Variants in ZNF236 observed in about 807,000 individuals in gnomAD.
The protein encoded by ZNF236 is regulated by glucose.
In ZNF236, 50 loss-of-function variants were observed where a neutral mutation model predicts 191.2. That is an observed-to-expected ratio of 0.26 (90% CI 0.21 to 0.33). ZNF236 has a LOEUF of 0.33. ZNF236 is among the 10% of genes least tolerant of loss of function. The pLI is 1.00. For synonymous variants in ZNF236, 907 were observed against 928.8 expected (o/e 0.98, Z 0.43); for missense variants, 1,754 against 2,374.5 (o/e 0.74, Z 5.43).
chr18:76,831,673 T>C (rs1321564854), intron 1 of ZNF236, among the ~76,000 whole-genome samples: 6 of 152,246 alleles, frequency 3.9e-5, no homozygotes. Flanking sequence ...AATGAGAGTT[T>C]CTGTTGTACA....
Position 76,849,533 on chromosome 18 carries a change from T to G in ZNF236, c.63T>G (p.Val21=), listed in dbSNP as rs764052522. The G allele has an allele frequency of 6.2e-7, 1 of 1,606,620 alleles. No individual in the cohort carries two copies. Among genetic ancestry groups the G allele is most frequent in the Non-Finnish European group, 8.5e-7 (1 of 1,177,928 alleles). ...ESKARGDSDG[V]LTLNAENTNY... ...ACTTATGCAATTTTATAGATGGAGT[T>G]TTAACATTGAATGCGGAGAACACTA... is the stretch of plus-strand genomic sequence containing the variant. The change falls in exon 2 of 31, where the codon GTT becomes GTG. Residue 21 remains valine (V), a synonymous_variant. Coordinates refer to ENST00000320610, the MANE Select transcript of ZNF236 (RefSeq NM_001306089.2).
rs1220097242 is a variant in ZNF236, at chr18:76,970,186, T to C, written c.*1847T>C. On this transcript the variant is annotated 3_prime_UTR_variant, in exon 31 of 31. Coordinates refer to ENST00000320610, the MANE Select transcript of ZNF236 (RefSeq NM_001306089.2). Reference sequence around the variant, plus strand: ...TGAAAAAATATCCCCAAAGTGGAAATTATTGGAATTTTAAACTTTTGTTCT... The same window carrying C: ...TGAAAAAATATCCCCAAAGTGGAAACTATTGGAATTTTAAACTTTTGTTCT... 6.6e-6 allele frequency: 1 copy of C among 152,668 alleles called. No homozygotes were observed. The highest frequency in any genetic ancestry group is 1.5e-5 in the Non-Finnish European group (1 of 68,028). 9.5% of individuals were successfully genotyped at this position (152,668 alleles called of 1,614,324 possible). A position where few individuals can be genotyped will look rare whatever the true frequency, so the allele number is the denominator to read the frequency against.
At chr18:76,846,392 GA>G (rs1171305510) in intron 1 of ZNF236, among the ~76,000 whole-genome samples, 1 of 152,248 alleles carries the variant, frequency 6.6e-6, no homozygotes, top group Non-Finnish European at 1.5e-5. Context: ...ACTTTGAGCA[GA>G]AGGAAAGCAA....
rs201407505 is a variant in ZNF236, at chr18:76,960,880, C to T, written c.5419+25C>T. ...GGTGAGAATGCTGCACCCGGGAGTG[C>T]GTGCTGTTCGGTGGCCTGCGAGGCA... On this transcript the variant is annotated intron_variant, in intron 30 of 30. Transcript: ENST00000320610. This position sits in a 1 kb window ranked among gnomAD's most constrained non-coding sequence, Gnocchi z 4.4. 1.1e-5 allele frequency: 17 copies of T among 1,592,938 alleles called. No individual in the cohort carries two copies. The highest frequency in any genetic ancestry group is 2.3e-5 in the East Asian group (1 of 44,430).
intron 26 of ZNF236, among the ~76,000 whole-genome samples, chr18:76,941,205 A>G (rs1387118900): frequency 2.6e-5 from 4 of 152,156 alleles, no homozygotes; most frequent in East Asian, 1.9e-4. Flanking sequence ...TTCTTGAGGA[A>G]GGGCTGTAGA....
chr18:76,899,003 A>T lies in ZNF236; in HGVS notation c.1691-16A>T. On this transcript the variant is annotated splice_polypyrimidine_tract_variant and intron_variant, in intron 10 of 30. Transcript: ENST00000320610. ...TTTCTGGAAATAATTCTAAAATGTGATTTCATTTTTATTAGGAGTTAGACC... is the reference window on the plus strand; with the variant it reads ...TTTCTGGAAATAATTCTAAAATGTGTTTTCATTTTTATTAGGAGTTAGACC... 6.3e-7 allele frequency: 1 copy of T among 1,599,390 alleles called. No homozygotes were observed. Among genetic ancestry groups the T allele is most frequent in the South Asian group, 1.1e-5 (1 of 90,280 alleles).
intron 25 of ZNF236, among the ~76,000 whole-genome samples, chr18:76,929,371 G>A (rs541711489): frequency 7.9e-5 from 12 of 152,110 alleles, no homozygotes; most frequent in Admixed American, 4.6e-4. Flanking sequence ...TTTTAATGTT[G>A]GAAATACAGA....
At chr18:76,943,355 G>A (rs943030448) in intron 26 of ZNF236, among the ~76,000 whole-genome samples, 2 of 152,134 alleles carry the variant, frequency 1.3e-5, no homozygotes, top group African/African-American at 4.8e-5. Context: ...GTGAGGAGGA[G>A]CAGGCCGGTG....
intron 26 of ZNF236, among the ~76,000 whole-genome samples, chr18:76,942,777 G>A (rs1213438176): frequency 1.3e-5 from 2 of 150,326 alleles, no homozygotes; most frequent in Middle Eastern, 3.4e-3. Flanking sequence ...GCCTCACAAA[G>A]TGCTGGGATT....
At chr18:76,907,847 A>C (rs901825868) in intron 13 of ZNF236, among the ~76,000 whole-genome samples, 1 of 152,076 alleles carries the variant, frequency 6.6e-6, no homozygotes, top group Non-Finnish European at 1.5e-5. Context: ...GGTCCAATAA[A>C]GGGCCTGAGG....
intron 4 of ZNF236, among the ~76,000 whole-genome samples, chr18:76,869,371 T>G (rs1976516612): frequency 6.6e-6 from 1 of 152,216 alleles, no homozygotes; most frequent in South Asian, 2.1e-4. Flanking sequence ...TATGAGATTT[T>G]GTAGCTTATA....
At chr18:76,881,792 G>A (rs927059793) in intron 9 of ZNF236, among the ~76,000 whole-genome samples, 1 of 152,200 alleles carries the variant, frequency 6.6e-6, no homozygotes, top group Admixed American at 6.5e-5. Context: ...TCTCTTGAAA[G>A]CTTGTTGTCT....
chr18:76,824,326 A>T (rs779116123), intron 1 of ZNF236: 4 of 781,132 alleles, frequency 5.1e-6, no homozygotes, highest in Middle Eastern at 4.5e-4. Flanking sequence ...GTTGGTGACC[A>T]ACAGGCGTTT....
intron 1 of ZNF236, among the ~76,000 whole-genome samples, chr18:76,846,473 A>G (rs1156648357): frequency 2.6e-5 from 4 of 152,206 alleles, no homozygotes; most frequent in Non-Finnish European, 5.9e-5. Context: ...GCTTCCACAG[A>G]GCGAAGGGAA....
rs775293954 is a variant in ZNF236, at chr18:76,910,079, G to A, written c.2563G>A (p.Ala855Thr). Residue 855 changes from alanine to threonine, a missense_variant, in exon 15 of 31, where the codon GCT becomes ACT. Around this residue, in one of 5 missense-constraint regions of ZNF236, gnomAD observed 641 missense variants for 869.6 expected, o/e 0.74. Transcript: ENST00000320610. Reference protein sequence around the residue: ...PLEADEDGFVAPQDPLRGHVD... With the variant: ...PLEADEDGFVTPQDPLRGHVD... ...CATCTCATCCTCAGATGGGTTTGTG[G>A]CTCCACAGGACCCTCTGCGAGGGCA... 2 of 1,610,442 alleles carry A rather than the reference G, an allele frequency of 1.2e-6. No individual in the cohort carries two copies. The highest frequency in any genetic ancestry group is 1.1e-5 in the South Asian group (1 of 90,784).
At chr18:76,910,316 T>C (rs1967184587) in intron 15 of ZNF236, 147 bp downstream of exon 15, 1 of 702,694 alleles carries the variant, frequency 1.4e-6, no homozygotes, top group Admixed American at 3.1e-5. Flanking sequence ...TTGTAGATTT[T>C]TTTTTATTGA....
intron 9 of ZNF236, among the ~76,000 whole-genome samples, chr18:76,889,341 A>G (rs1173125227): frequency 6.6e-6 from 1 of 152,144 alleles, no homozygotes; most frequent in African/African-American, 2.4e-5. Context: ...TCTGCCATAC[A>G]TGCTTGGTTA....
chr18:76,829,452 T>C (rs116032999), intron 1 of ZNF236, among the ~76,000 whole-genome samples: 1 of 151,908 alleles, frequency 6.6e-6, no homozygotes, highest in East Asian at 1.9e-4. Context: ...TTCGGCCTCC[T>C]GAGTACCTGG....
At position 76,875,640 on chromosome 18, in the gene ZNF236, G is replaced by A. The variant is rs778294289; in HGVS notation, c.816G>A (p.Ser272=). Residue 272 remains serine, a synonymous_variant, in exon 6 of 31, where the codon TCG becomes TCA. Coordinates refer to ENST00000320610, the MANE Select transcript of ZNF236 (RefSeq NM_001306089.2). The surrounding 1 kb of genome is among the most constrained non-coding windows in gnomAD (Gnocchi z 4.3). ...TCTCTCAGAAAGGGAATCTTCAGTC[G>A]CACGTGCAGCGAGTCCACTCAGAGG... The part of the protein sequence containing the change: ...AAFSQKGNLQ[S]HVQRVHSEVK... The A allele has an allele frequency of 4.4e-6, 7 of 1,593,578 alleles. No homozygotes were observed. The highest frequency in any genetic ancestry group is 2.3e-5 in the South Asian group (2 of 87,764).
Sources: allele counts gnomAD v4.1 joint callset (sites outside exome capture counted in the v4.1 genomes callset), GRCh38; gene constraint gnomAD v4.1.1; regional missense constraint gnomAD v4.1.1; non-coding constraint Gnocchi (gnomAD v3.1); transcripts MANE v1.5; gene names NCBI Gene and HGNC (gene_info 2026-07-23, HGNC 2026-07-21).